Variants in FSIP2 observed in about 807,000 individuals in gnomAD.
FSIP2 encodes the protein fibrous sheath interacting protein 2.
FSIP2 carries 367 observed loss-of-function variants against 510.5 expected under a neutral mutation model. That is an observed-to-expected ratio of 0.72 (90% CI 0.66 to 0.78). The LOEUF is 0.78. Among genes scored for constraint, FSIP2 ranks in the 30% least tolerant of loss-of-function variants. The probability of loss-of-function intolerance (pLI) is 0.00; values close to 1 mark genes in which losing one functional copy is unlikely to be tolerated. For synonymous variants in FSIP2, 2,601 were observed against 2,732.2 expected, an observed-to-expected ratio of 0.95 and a Z score of 1.50; for missense variants, 7,594 against 7,901.7, an observed-to-expected ratio of 0.96 and a Z score of 1.48.
chr2:185,751,046 A>T (rs1692136574), intron 7 of FSIP2, among the ~76,000 whole-genome samples: 1 of 151,482 alleles, frequency 6.6e-6, no homozygotes, highest in Non-Finnish European at 1.5e-5. Context: ...CCTGAAAAAA[A>T]CTTCTTTCTA....
Position 185,787,818 on chromosome 2 carries a change from C to T in FSIP2, c.1507-825C>T, listed in dbSNP as rs1443986365. ...AACTTTCTTAACCTTGCTCAGCCCT[C>T]CCTACTCTTTGATTCCCAAATCTAG... On this transcript the variant is annotated intron_variant, in intron 15 of 22. Transcript: ENST00000424728. 2.0e-5 allele frequency among the ~76,000 whole-genome samples: 3 copies of T among 151,592 alleles called. No individual in the cohort carries two copies. The East Asian group carries it at 5.8e-4, about 29-fold the overall frequency.
chr2:185,780,393 G>A (rs900715463), intron 13 of FSIP2, among the ~76,000 whole-genome samples: 4 of 151,208 alleles, frequency 2.6e-5, no homozygotes, highest in Admixed American at 6.6e-5. Context: ...TCTCTAGTTC[G>A]CTAATTCTCT....
chr2:185,776,634 A>T (rs1226665987), intron 13 of FSIP2, among the ~76,000 whole-genome samples: 4 of 152,150 alleles, frequency 2.6e-5, no homozygotes, highest in Non-Finnish European at 4.4e-5. Flanking sequence ...ATTGACATTA[A>T]ATTTTCTTTA....
intron 18 of FSIP2, among the ~76,000 whole-genome samples, chr2:185,814,620 C>T (rs924976436): frequency 1.3e-5 from 2 of 152,026 alleles, no homozygotes; most frequent in African/African-American, 2.4e-5. Flanking sequence ...TTGTTGATGG[C>T]TCCAAATTCT....
chr2:185,751,736 T>A (rs1336465423), intron 7 of FSIP2, among the ~76,000 whole-genome samples: 3 of 149,338 alleles, frequency 2.0e-5, no homozygotes, highest in Non-Finnish European at 4.5e-5. Context: ...TGTTTGAAAT[T>A]TACCAGTTGC....
intron 13 of FSIP2, among the ~76,000 whole-genome samples, chr2:185,781,001 C>T (rs932126413): frequency 6.6e-6 from 1 of 151,952 alleles, no homozygotes; most frequent in African/African-American, 2.4e-5. Context: ...TTCTCCTCCT[C>T]CTTCTCCACC....
rs746533024 is a variant in FSIP2 at position 185,796,906 on chromosome 2, C to G, written c.9770C>G (p.Thr3257Ser). 7 of 1,534,856 alleles carry G rather than the reference C, an allele frequency of 4.6e-6. No homozygotes were observed. In the Admixed American group the frequency reaches 7.9e-5, roughly 17 times the overall value. Residue 3257 changes from threonine (T) to serine (S), a missense_variant, in exon 16 of 23, where the codon ACC becomes AGC. By Grantham distance (58) the Thr-to-Ser change is moderately conservative. Transcript: ENST00000424728. ...RESNFGSFDQ[T>S]MKGNSYLPEG... ...TCTAACTTTGGTAGTTTTGATCAGA[C>G]CATGAAAGGAAATAGCTACCTCCCT...
At chr2:185,829,887 C>T (rs1313156286) in intron 21 of FSIP2, among the ~76,000 whole-genome samples, 5 of 151,854 alleles carry the variant, frequency 3.3e-5, no homozygotes, top group African/African-American at 1.2e-4. Context: ...AGGAAAATCA[C>T]AGAAAGAGGA....
At chr2:185,816,867 G>A (rs1220101957) in intron 19 of FSIP2, among the ~76,000 whole-genome samples, 1 of 150,166 alleles carries the variant, frequency 6.7e-6, no homozygotes, top group East Asian at 2.0e-4. Context: ...GAGAGAGAGA[G>A]AGAGAGAGAG....
At chr2:185,757,487 G>A (rs1692265930) in intron 9 of FSIP2, among the ~76,000 whole-genome samples, 2 of 151,322 alleles carry the variant, frequency 1.3e-5, no homozygotes, top group South Asian at 4.1e-4. Context: ...GGGTATGTGA[G>A]TCATTGTAGG....
At chr2:185,753,473 G>A (rs1302522617) in intron 7 of FSIP2, among the ~76,000 whole-genome samples, 1 of 151,404 alleles carries the variant, frequency 6.6e-6, no homozygotes, top group Admixed American at 6.6e-5. Flanking sequence ...AAGATACCCT[G>A]TCTGATCAGA....
chr2:185,797,322 G>C lies in FSIP2; in HGVS notation c.10186G>C (p.Glu3396Gln). The C allele has an allele frequency of 6.6e-7, 1 of 1,524,724 alleles. No homozygotes were observed. The highest frequency in any genetic ancestry group is 1.2e-5 in the South Asian group (1 of 81,356). The allele number at this position is 1,524,724 out of a possible 1,614,324, so 94.4% of individuals were successfully genotyped here. A position where few individuals can be genotyped will look rare whatever the true frequency, so the allele number is the denominator to read the frequency against. ...AAAAATCAACTATATACCTGAGGAA[G>C]AAAATGAAAACCTTGAAGCCAGCCG... ...DKKINYIPEE[E>Q]NENLEASRED... The change falls in exon 16 of 23, where the codon GAA becomes CAA. Residue 3396 changes from glutamate (E) to glutamine (Q), a missense_variant. Transcript: ENST00000424728.
intron 18 of FSIP2, among the ~76,000 whole-genome samples, chr2:185,814,966 G>A (rs1169740210): frequency 6.6e-6 from 1 of 151,984 alleles, no homozygotes; most frequent in African/African-American, 2.4e-5. Flanking sequence ...ACATGAGTTT[G>A]CAACAAATAG....
At chr2:185,762,175 G>A (rs557860010) in intron 11 of FSIP2, among the ~76,000 whole-genome samples, 158 bp downstream of exon 11, 1 of 151,048 alleles carries the variant, frequency 6.6e-6, no homozygotes, top group East Asian at 1.9e-4. Context: ...ATTATAATTA[G>A]CCCATATATT....
chr2:185,806,598 A>G lies in FSIP2; in HGVS notation c.17292A>G (p.Glu5764=). 6.2e-7 allele frequency: 1 copy of G among 1,608,012 alleles called. No homozygotes were observed. The highest frequency in any genetic ancestry group is 8.5e-7 in the Non-Finnish European group (1 of 1,177,880). The change falls in exon 17 of 23, where the codon GAA becomes GAG. Residue 5764 remains glutamate, a synonymous_variant. Transcript: ENST00000424728. ...KEKVREEIKS[E]PSKPDDPQNQ... is the part of the protein sequence containing the mutation. ...AAGTAAGAGAGGAGATTAAAAGTGAACCCAGTAAACCAGATGATCCTCAAA... is the reference window on the plus strand; with the variant it reads ...AAGTAAGAGAGGAGATTAAAAGTGAGCCCAGTAAACCAGATGATCCTCAAA...
At chr2:185,821,735 G>A (rs954961879) in intron 19 of FSIP2, among the ~76,000 whole-genome samples, 1 of 151,404 alleles carries the variant, frequency 6.6e-6, no homozygotes, top group African/African-American at 2.4e-5. Context: ...ACCAGCCTGG[G>A]CAACATGGCA....
chr2:185,824,527 A>T, intron 20 of FSIP2, 47 bp downstream of exon 20: 1 of 1,104,990 alleles, frequency 9.0e-7, no homozygotes, highest in Non-Finnish European at 1.3e-6. Flanking sequence ...TACTACTTTG[A>T]TGTGTTTTTT....
chr2:185,799,570 T>TG (rs1215252817), intron 16 of FSIP2, 127 bp from the exon 17 acceptor site: 4 of 441,528 alleles, frequency 9.1e-6, no homozygotes, highest in African/African-American at 2.0e-5. Context: ...TTTCTTTTTT[T>TG]GTTTAGATTT....
Position 185,793,343 on chromosome 2 carries a change from A to G in FSIP2, c.6207A>G (p.Gln2069=), listed in dbSNP as rs544917301. 2.6e-6 allele frequency: 4 copies of G among 1,534,140 alleles called. No homozygotes were observed. The African/African-American group carries it at 4.1e-5, about 16-fold the overall frequency. The change falls in exon 16 of 23, where the codon CAA becomes CAG. Residue 2069 remains glutamine, a synonymous_variant. Coordinates refer to ENST00000424728, the MANE Select transcript of FSIP2 (RefSeq NM_173651.4). ...SSDKEIDLDQ[Q]KGVIEKLLNE... Reference sequence around the variant, plus strand: ...ACAAAGAGATCGATTTAGATCAGCAAAAAGGTGTTATTGAAAAGCTGCTCA... The same window carrying G: ...ACAAAGAGATCGATTTAGATCAGCAGAAAGGTGTTATTGAAAAGCTGCTCA...
Sources: allele counts gnomAD v4.1 joint callset (sites outside exome capture counted in the v4.1 genomes callset), GRCh38; gene constraint gnomAD v4.1.1; transcripts MANE v1.5; gene names NCBI Gene and HGNC (gene_info 2026-07-23, HGNC 2026-07-21).